ITPKB: variants seen among roughly 807,000 people sequenced by gnomAD.
The protein encoded by ITPKB is inositol-trisphosphate 3-kinase B, also known as IP3 3-kinase B.
ITPKB carries 13 observed loss-of-function variants against 69.4 expected under a neutral mutation model. The ratio of observed to expected loss-of-function variants is 0.19; its 90% confidence interval spans 0.12 to 0.30. ITPKB has a LOEUF of 0.30. Among genes scored for constraint, ITPKB ranks in the 10% least tolerant of loss-of-function variants. The pLI is 1.00. For missense variants in ITPKB, 1,240 were observed against 1,250.5 expected, an observed-to-expected ratio of 0.99 and a Z score of 0.13; for synonymous variants, 584 against 513.7, an observed-to-expected ratio of 1.14 and a Z score of -1.85.
intron 5 of ITPKB, 146 bp from the exon 6 acceptor site, chr1:226,639,804 G>C (rs1170626342): frequency 4.5e-6 from 3 of 661,078 alleles, no homozygotes; most frequent in Non-Finnish European, 8.3e-6. Context: ...TCCACGTATG[G>C]CGCATGGAGG....
At chr1:226,688,791 ACT>A (rs896735758) in intron 2 of ITPKB, among the ~76,000 whole-genome samples, 6 of 152,158 alleles carry the variant, frequency 3.9e-5, no homozygotes, top group Admixed American at 3.9e-4. Flanking sequence ...CGCTGGTATG[ACT>A]CTCACTGATA....
Position 226,736,138 on chromosome 1 carries a change from C to T in ITPKB, c.1321G>A (p.Asp441Asn). Residue 441 changes from aspartate to asparagine, a missense_variant, in exon 2 of 8, where the codon GAC (aspartate) becomes AAC (asparagine). Physicochemically the swap from Asp to Asn is conservative, Grantham distance 23 (BLOSUM62 1). Coordinates refer to ENST00000429204, the MANE Select transcript of ITPKB (RefSeq NM_002221.4). ...PVGGGRWQLS[D>N]RVEGGSPTLG... ...GTTGGGGACCCTCCCTCCACTCTGT[C>T]GGAGAGCTGCCAACGCCCCCCGCCC... The T allele has an allele frequency of 6.3e-7, 1 of 1,575,784 alleles. No individual in the cohort carries two copies. The highest frequency in any genetic ancestry group is 8.6e-7 in the Non-Finnish European group (1 of 1,159,998).
chr1:226,639,943 AG>A (rs1430118278), intron 5 of ITPKB, among the ~76,000 whole-genome samples: 3 of 152,178 alleles, frequency 2.0e-5, no homozygotes, highest in African/African-American at 7.2e-5. Context: ...ATCCAGGCTG[AG>A]GATGGAGGAG....
intron 2 of ITPKB, among the ~76,000 whole-genome samples, chr1:226,723,555 AC>A (rs1309804629): frequency 6.6e-6 from 1 of 151,986 alleles, no homozygotes; most frequent in African/African-American, 2.4e-5. Context: ...GTGTTGTTCT[AC>A]ACACACACGT....
intron 2 of ITPKB, among the ~76,000 whole-genome samples, chr1:226,716,607 G>GT (rs1424099778): frequency 1.3e-5 from 2 of 152,018 alleles, no homozygotes; most frequent in South Asian, 2.1e-4. Context: ...TGTACTCAAA[G>GT]TTTTTTTTAA....
chr1:226,735,884 C>A lies in ITPKB; in HGVS notation c.1575G>T (p.Gly525=), dbSNP rs143869693. 3.6e-4 allele frequency: 585 copies of A among 1,611,990 alleles called. 3 individuals are homozygous for A. In the African/African-American group the frequency reaches 6.8e-3, roughly 19 times the overall value. ...KAGLAWTRGT[G]VQSEGTWESQ... Reference sequence around the variant, plus strand: ...TTTCCCAAGTCCCCTCTGATTGCACCCCTGTGCCACGCGTCCAAGCCAAAC... The same window carrying A: ...TTTCCCAAGTCCCCTCTGATTGCACACCTGTGCCACGCGTCCAAGCCAAAC... Residue 525 remains glycine, a synonymous_variant, in exon 2 of 8, where the codon GGG becomes GGT. Transcript: ENST00000429204.
chr1:226,714,002 C>A (rs2102639207), intron 2 of ITPKB, among the ~76,000 whole-genome samples: 1 of 152,210 alleles, frequency 6.6e-6, no homozygotes, highest in South Asian at 2.1e-4. Context: ...GGCAAAGGGC[C>A]CTTCTTGAAA....
intron 2 of ITPKB, among the ~76,000 whole-genome samples, chr1:226,697,522 G>C (rs1033065519): frequency 6.6e-6 from 1 of 152,170 alleles, no homozygotes; most frequent in African/African-American, 2.4e-5. Context: ...TCAGGTGAGG[G>C]AATCTCTTTG....
chr1:226,635,584 C>T (rs1668818630), intron 7 of ITPKB, among the ~76,000 whole-genome samples: 1 of 152,176 alleles, frequency 6.6e-6, no homozygotes, highest in Admixed American at 6.5e-5. Context: ...CTTCCGCCTC[C>T]TAGAACCTGA....
chr1:226,635,362 A>G (rs902231288), intron 7 of ITPKB, among the ~76,000 whole-genome samples: 2 of 152,152 alleles, frequency 1.3e-5, no homozygotes, highest in African/African-American at 4.8e-5. Flanking sequence ...TTGGGACTAC[A>G]GGCATGCACC....
chr1:226,669,434 G>A (rs977096341), intron 2 of ITPKB, among the ~76,000 whole-genome samples: 1 of 151,914 alleles, frequency 6.6e-6, no homozygotes, highest in African/African-American at 2.4e-5. Flanking sequence ...TGTAAAATAT[G>A]CTAGATGCAC....
At chr1:226,708,986 C>T (rs550153824) in intron 2 of ITPKB, among the ~76,000 whole-genome samples, 8 of 152,234 alleles carry the variant, frequency 5.3e-5, no homozygotes, top group East Asian at 1.9e-4. Flanking sequence ...CTGGTGAACA[C>T]GAGTTACACC....
chr1:226,664,884 A>T (rs973639124), intron 2 of ITPKB, among the ~76,000 whole-genome samples: 1 of 152,238 alleles, frequency 6.6e-6, no homozygotes, highest in Non-Finnish European at 1.5e-5. Context: ...CAAATGGACC[A>T]GAAGCTCCTA....
intron 2 of ITPKB, among the ~76,000 whole-genome samples, chr1:226,724,849 G>A (rs1234746859): frequency 6.6e-6 from 1 of 152,214 alleles, no homozygotes; most frequent in Non-Finnish European, 1.5e-5. Context: ...CAACTGCTGA[G>A]CATCAATTTG....
At position 226,637,685 on chromosome 1, in the gene ITPKB, G is replaced by A. The variant is rs778449668; in HGVS notation, c.2619C>T (p.Cys873=). ...TTLEVSPFFK[C]HEVIGSSLLF... ...GCAAAAGCCCAGTATCTACCTCGTGGCACTTGAAGAAGGGAGAAACTTCTA... is the reference window on the plus strand; with the variant it reads ...GCAAAAGCCCAGTATCTACCTCGTGACACTTGAAGAAGGGAGAAACTTCTA... The change falls in exon 7 of 8, where the codon TGC becomes TGT. Residue 873 remains cysteine, a synonymous_variant. Transcript: ENST00000429204. The surrounding 1 kb of genome is among the most constrained non-coding windows in gnomAD (Gnocchi z 4.3). The A allele has an allele frequency of 6.2e-7, 1 of 1,612,178 alleles. No homozygotes were observed. The highest frequency in any genetic ancestry group is 1.1e-5 in the South Asian group (1 of 91,010).
chr1:226,722,230 C>T (rs115623587), intron 2 of ITPKB, among the ~76,000 whole-genome samples: 3,346 of 152,308 alleles, frequency 0.022, 122 homozygotes, highest in African/African-American at 0.074. Flanking sequence ...TCAGGGCACT[C>T]GCCCTTCAAG....
chr1:226,689,464 T>C (rs1295606383), intron 2 of ITPKB, among the ~76,000 whole-genome samples: 2 of 152,120 alleles, frequency 1.3e-5, no homozygotes, highest in East Asian at 3.9e-4. Context: ...GGGAATCCTA[T>C]AGGTAAATAC....
chr1:226,652,853 C>T (rs1335792546), intron 2 of ITPKB, among the ~76,000 whole-genome samples: 1 of 152,240 alleles, frequency 6.6e-6, no homozygotes, highest in East Asian at 1.9e-4. Flanking sequence ...GGGCAGGTGG[C>T]CAGCTCTGCT....
At chr1:226,733,740 G>A (rs1199651181) in intron 2 of ITPKB, among the ~76,000 whole-genome samples, 1 of 152,150 alleles carries the variant, frequency 6.6e-6, no homozygotes, top group Non-Finnish European at 1.5e-5. Context: ...CTCTGGATAT[G>A]TTCACTAACT....
Sources: allele counts gnomAD v4.1 joint callset (sites outside exome capture counted in the v4.1 genomes callset), GRCh38; gene constraint gnomAD v4.1.1; non-coding constraint Gnocchi (gnomAD v3.1); transcripts MANE v1.5; gene names NCBI Gene and HGNC (gene_info 2026-07-23, HGNC 2026-07-21).